CTNND2: variants seen among roughly 807,000 people sequenced by gnomAD.
CTNND2 encodes the protein catenin delta 2.
In CTNND2, 22 loss-of-function variants were observed where a neutral mutation model predicts 144.4. That is an observed-to-expected ratio of 0.15 (90% confidence interval 0.11 to 0.22). The LOEUF (loss-of-function observed/expected upper bound fraction) is 0.22. CTNND2 is among the 10% of genes least tolerant of loss of function. CTNND2 has a pLI of 1.00. For synonymous variants in CTNND2, 751 were observed against 695.6 expected, an observed-to-expected ratio of 1.08 and a Z score of -1.25; for missense variants, 1,353 against 1,618.8, an observed-to-expected ratio of 0.84 and a Z score of 2.82.
intron 1 of CTNND2, among the ~76,000 whole-genome samples, chr5:11,787,983 G>C (rs1266766255): frequency 6.6e-6 from 1 of 152,114 alleles, no homozygotes; most frequent in Non-Finnish European, 1.5e-5. Flanking sequence ...CTCCCTATAA[G>C]TTTACTGCTT....
chr5:11,704,716 G>A (rs73743030), intron 2 of CTNND2, among the ~76,000 whole-genome samples: 1,788 of 151,806 alleles, frequency 0.012, 28 homozygotes, highest in African/African-American at 0.042. Context: ...TCCTCTGGAG[G>A]CCCTATGTCC....
At chr5:11,789,679 T>C (rs1791029993) in intron 1 of CTNND2, among the ~76,000 whole-genome samples, 1 of 152,156 alleles carries the variant, frequency 6.6e-6, no homozygotes, top group Non-Finnish European at 1.5e-5. Flanking sequence ...AGTCTACAAA[T>C]AATGCCATAT....
At chr5:11,234,126 C>T (rs890160123) in intron 10 of CTNND2, among the ~76,000 whole-genome samples, 12 of 152,070 alleles carry the variant, frequency 7.9e-5, no homozygotes, top group Non-Finnish European at 1.3e-4. Flanking sequence ...ATGGCACCCA[C>T]AGCAAAATTA....
In CTNND2 at chr5:11,568,105, T is replaced by C. The variant is rs535612564; in HGVS notation, c.175-3049A>G. On this transcript the variant is annotated intron_variant, in intron 2 of 21. Transcript: ENST00000304623. ...CCCATGGACTATGGGTTCTCCCAGC[T>C]TGGCTGGTGGGTGCTGGCAAACATT... 1.4e-3 allele frequency among the ~76,000 whole-genome samples: 213 copies of C among 152,218 alleles called. 1 individual carries two copies. The highest frequency in any genetic ancestry group is 0.01 in the Middle Eastern group (3 of 294).
At chr5:10,995,663 T>A (rs145154412) in intron 18 of CTNND2, among the ~76,000 whole-genome samples, 1 of 152,162 alleles carries the variant, frequency 6.6e-6, no homozygotes, top group Non-Finnish European at 1.5e-5. Flanking sequence ...CAGTATTTCG[T>A]GTGCTGATGG....
intron 2 of CTNND2, among the ~76,000 whole-genome samples, chr5:11,713,864 C>G (rs1786181665): frequency 6.6e-6 from 1 of 152,046 alleles, no homozygotes; most frequent in African/African-American, 2.4e-5. Flanking sequence ...TCTAAACTTG[C>G]CATCTTTAGT....
rs78361013 is a variant in CTNND2, at chr5:11,894,919, T to C, written c.37+8898A>G. Among the ~76,000 whole-genome samples, 27 of 152,298 alleles carry C rather than the reference T, an allele frequency of 1.8e-4. No homozygotes were observed. The East Asian group carries it at 4.4e-3, about 25-fold the overall frequency. On this transcript the variant is annotated intron_variant, in intron 1 of 21. Transcript: ENST00000304623. Reference sequence around the variant, plus strand: ...ATGAACTAAGTGTTTGTTACATGCCTACTACTATCCTATGATTTGTGGATC... The same window carrying C: ...ATGAACTAAGTGTTTGTTACATGCCCACTACTATCCTATGATTTGTGGATC...
intron 15 of CTNND2, among the ~76,000 whole-genome samples, chr5:11,096,196 T>C (rs762332409): frequency 3.9e-5 from 6 of 152,194 alleles, no homozygotes; most frequent in Non-Finnish European, 7.3e-5. Flanking sequence ...CTTTAAGTTC[T>C]GGGATACACG....
intron 2 of CTNND2, among the ~76,000 whole-genome samples, chr5:11,657,837 T>G (rs1199933137): frequency 6.6e-6 from 1 of 152,102 alleles, no homozygotes; most frequent in South Asian, 2.1e-4. Flanking sequence ...AAGTTGTACA[T>G]GTACCCCCGA....
At chr5:11,684,485 G>T (rs914580255) in intron 2 of CTNND2, among the ~76,000 whole-genome samples, 3 of 152,154 alleles carry the variant, frequency 2.0e-5, no homozygotes, top group Non-Finnish European at 4.4e-5. Context: ...TGAAAAAAAT[G>T]ATTATTTTAA....
intron 1 of CTNND2, among the ~76,000 whole-genome samples, chr5:11,846,043 G>A (rs1794720196): frequency 6.6e-6 from 1 of 152,092 alleles, no homozygotes; most frequent in African/African-American, 2.4e-5. Flanking sequence ...ATGAATGAAT[G>A]GCTAATAGAG....
intron 1 of CTNND2, among the ~76,000 whole-genome samples, chr5:11,743,485 G>A (rs1195121439): frequency 1.3e-5 from 2 of 152,168 alleles, no homozygotes; most frequent in Admixed American, 1.3e-4. Context: ...TAGGCTTCCA[G>A]AACCTGATAC....
rs780336115 is a variant in CTNND2, at chr5:11,412,042, C to T, written c.315G>A (p.Gln105=). 12 of 1,610,794 alleles carry T rather than the reference C, an allele frequency of 7.4e-6. No individual in the cohort carries two copies. In the East Asian group the frequency reaches 2.0e-4, roughly 27 times the overall value. ...MSSAEEQFQW[Q]SQDGQKDIED... The stretch of plus-strand genomic sequence containing the variant: ...CAATAAGATAGACATTACCTTGTGA[C>T]TGCCACTGAAACTGCTCTTCTGCTG... Residue 105 remains glutamine, a synonymous_variant, in exon 4 of 22, where the codon CAG becomes CAA. Coordinates refer to ENST00000304623, the MANE Select transcript of CTNND2 (RefSeq NM_001332.4).
chr5:11,748,089 T>C (rs543070342), intron 1 of CTNND2, among the ~76,000 whole-genome samples: 1 of 152,232 alleles, frequency 6.6e-6, no homozygotes, highest in East Asian at 1.9e-4. Context: ...TCAATCAGTG[T>C]TTTAAAATTA....
At chr5:11,293,792 G>C (rs909746401) in intron 9 of CTNND2, among the ~76,000 whole-genome samples, 32 of 143,036 alleles carry the variant, frequency 2.2e-4, no homozygotes, top group Admixed American at 2.1e-3. Context: ...CAAGAAATGT[G>C]CCCACATTTC....
Position 11,894,159 on chromosome 5 carries a change from T to C in CTNND2, c.37+9658A>G, listed in dbSNP as rs186168801. Among the ~76,000 whole-genome samples, 1,009 of 152,224 alleles carry C rather than the reference T, an allele frequency of 6.6e-3. 12 individuals carry two copies. Among genetic ancestry groups the C allele is most frequent in the African/African-American group, 0.023 (964 of 41,532 alleles). On this transcript the variant is annotated intron_variant, in intron 1 of 21. Coordinates refer to ENST00000304623, the MANE Select transcript of CTNND2 (RefSeq NM_001332.4). ...CAACTATGGTTCACACTTCTAAAAC[T>C]GTTCTGATAAAGCCTCACAGGTGCC... is the stretch of plus-strand genomic sequence containing the variant.
At chr5:11,506,240 G>A (rs1254000666) in intron 3 of CTNND2, among the ~76,000 whole-genome samples, 1 of 152,154 alleles carries the variant, frequency 6.6e-6, no homozygotes, top group African/African-American at 2.4e-5. Context: ...AGACCACCTC[G>A]GTTCACACTC....
At chr5:11,431,332 T>C (rs1174937986) in intron 3 of CTNND2, among the ~76,000 whole-genome samples, 1 of 152,166 alleles carries the variant, frequency 6.6e-6, no homozygotes, top group Non-Finnish European at 1.5e-5. Context: ...TAGACACACT[T>C]AGGTCAGCAA....
chr5:11,621,251 G>A (rs950814029), intron 2 of CTNND2, among the ~76,000 whole-genome samples: 1 of 152,042 alleles, frequency 6.6e-6, no homozygotes, highest in Non-Finnish European at 1.5e-5. Flanking sequence ...ATACATTGGT[G>A]GATAATTACT....
Sources: allele counts gnomAD v4.1 joint callset (sites outside exome capture counted in the v4.1 genomes callset), GRCh38; gene constraint gnomAD v4.1.1; transcripts MANE v1.5; gene names NCBI Gene and HGNC (gene_info 2026-07-23, HGNC 2026-07-21).